Variants in PAK3 observed in about 807,000 individuals in gnomAD.
PAK3 encodes p21 (RAC1) activated kinase 3.
A neutral mutation model predicts 41.0 loss-of-function variants in PAK3; 4 were observed. The ratio of observed to expected loss-of-function variants is 0.10; its 90% confidence interval spans 0.05 to 0.22. The LOEUF (loss-of-function observed/expected upper bound fraction) is 0.22, where lower values mean the gene tolerates loss of function less well. Among genes scored for constraint, PAK3 ranks in the 10% least tolerant of loss-of-function variants. The pLI is 1.00. For synonymous variants in PAK3, 146 were observed against 139.6 expected, an observed-to-expected ratio of 1.05 and a Z score of -0.32; for missense variants, 205 against 409.9, an observed-to-expected ratio of 0.50 and a Z score of 4.32.
chrX:111,217,605 G>A lies in PAK3; in HGVS notation c.1545+1047G>A, dbSNP rs183440294. ...TCCCACCCTAACTCAGATCATACCT[G>A]GAATAAACCTATTTGGAGAAACTGA... On this transcript the variant is annotated intron_variant, in intron 17 of 17. Transcript: ENST00000372007. 1.7e-5 allele frequency: 16 copies of A among 957,250 alleles called. No homozygotes were observed. In the Admixed American group the frequency reaches 5.0e-4, roughly 30 times the overall value. 78.9% of individuals were successfully genotyped at this position (957,250 alleles called of 1,213,427 possible).
chrX:111,142,921 C>T (rs2093892489), intron 6 of PAK3, among the ~76,000 whole-genome samples: 1 of 110,092 alleles, frequency 9.1e-6, no homozygotes, highest in South Asian at 3.9e-4. Flanking sequence ...TCAAATAGCA[C>T]AAGATCTCAG....
At chrX:111,068,096 C>T (rs2092714132) in intron 1 of PAK3, among the ~76,000 whole-genome samples, 1 of 110,000 alleles carries the variant, frequency 9.1e-6, no homozygotes, top group Non-Finnish European at 1.9e-5. Flanking sequence ...TTTAATATTA[C>T]CTTGGTACCT....
chrX:111,007,112 T>C (rs1262843342), intron 1 of PAK3, among the ~76,000 whole-genome samples: 3 of 110,203 alleles, frequency 2.7e-5, no homozygotes, highest in Admixed American at 9.8e-5. Flanking sequence ...TACCCCACCA[T>C]AAATTTGTCA....
intron 1 of PAK3, among the ~76,000 whole-genome samples, chrX:111,066,858 T>C (rs753339689): frequency 4.5e-5 from 5 of 112,162 alleles, no homozygotes; most frequent in African/African-American, 1.3e-4. Flanking sequence ...TATGAGAAAA[T>C]TGAAGCTGAG....
At chrX:110,993,050 A>T (rs775105315) in intron 1 of PAK3, among the ~76,000 whole-genome samples, 9 of 111,575 alleles carry the variant, frequency 8.1e-5, no homozygotes, top group Non-Finnish European at 1.7e-4. Context: ...TTAAAATGTG[A>T]TGTCTAAAAT....
chrX:111,124,698 C>T (rs1041602198), intron 5 of PAK3, among the ~76,000 whole-genome samples: 2 of 111,391 alleles, frequency 1.8e-5, no homozygotes, highest in African/African-American at 6.5e-5. Context: ...TTCAGGTGAC[C>T]TCATAATGAA....
intron 11 of PAK3, among the ~76,000 whole-genome samples, chrX:111,177,162 C>T (rs1296763467): frequency 9.0e-6 from 1 of 111,557 alleles, no homozygotes; most frequent in African/African-American, 3.3e-5. Flanking sequence ...CAGTGACATT[C>T]AAAATTGTTG....
At chrX:111,036,494 G>A (rs889574413) in intron 1 of PAK3, among the ~76,000 whole-genome samples, 23 of 112,239 alleles carry the variant, frequency 2.0e-4, no homozygotes, top group African/African-American at 5.8e-4. Context: ...AGAGTTGGAC[G>A]AAGGGGGAAC....
At chrX:111,212,937 G>A (rs186209123) in intron 16 of PAK3, among the ~76,000 whole-genome samples, 285 of 112,054 alleles carry the variant, frequency 2.5e-3, no homozygotes, top group African/African-American at 8.8e-3. Flanking sequence ...TTTTCTTACC[G>A]CATGCATTTT....
intron 16 of PAK3, among the ~76,000 whole-genome samples, chrX:111,202,497 T>C (rs1261236461): frequency 1.8e-5 from 2 of 111,641 alleles, no homozygotes; most frequent in African/African-American, 3.3e-5. Flanking sequence ...GTTCCTTCTC[T>C]TTGCCAAAGT....
chrX:111,064,617 G>A (rs180771241), intron 1 of PAK3, among the ~76,000 whole-genome samples: 2 of 112,056 alleles, frequency 1.8e-5, no homozygotes, highest in East Asian at 5.6e-4. Flanking sequence ...TGCTGCAAAG[G>A]ACATGATTTC....
At chrX:110,956,472 A>G (rs1308470663) in intron 1 of PAK3, among the ~76,000 whole-genome samples, 8 of 111,353 alleles carry the variant, frequency 7.2e-5, no homozygotes, top group Admixed American at 1.9e-4. Context: ...GTGATGTACT[A>G]TTATCCTCAT....
rs754075044 is a variant in PAK3, at chrX:111,008,307, C to A, written c.-28+63679C>A. Among the ~76,000 whole-genome samples the A allele has an allele frequency of 3.6e-5, 4 of 112,593 alleles. No individual in the cohort carries two copies. The East Asian group carries it at 1.1e-3, about 32-fold the overall frequency. ...AATAAGTGAAGTCAGACATGTTAAA[C>A]ACATGTCAGGCACATATAAATGTGC... On this transcript the variant is annotated intron_variant, in intron 1 of 14. Coordinates refer to the PAK3 transcript ENST00000425146.
At chrX:110,983,480 C>CAGAGAGAGAGAGAGAGAGAGAG (rs768492408) in intron 1 of PAK3, among the ~76,000 whole-genome samples, 9 of 99,609 alleles carry the variant, frequency 9.0e-5, no homozygotes, top group Admixed American at 4.4e-4. Context: ...AAGAGAAAGA[C>CAGAGAGAGAGAGAGAGAGAGAG]AGAGAGAGAG....
At chrX:111,014,128 A>C (rs1447774788) in intron 1 of PAK3, among the ~76,000 whole-genome samples, 1 of 112,125 alleles carries the variant, frequency 8.9e-6, no homozygotes, top group Admixed American at 9.5e-5. Flanking sequence ...AAGTCCCAGC[A>C]GATCTCCCTA....
At chrX:111,023,652 G>A (rs1009008851) in intron 1 of PAK3, among the ~76,000 whole-genome samples, 2 of 112,257 alleles carry the variant, frequency 1.8e-5, no homozygotes, top group East Asian at 2.8e-4. Context: ...GTGATGATGA[G>A]CATTTTTTCA....
chrX:110,990,415 C>G (rs2091622201), intron 1 of PAK3, among the ~76,000 whole-genome samples: 1 of 111,657 alleles, frequency 9.0e-6, no homozygotes, highest in South Asian at 3.8e-4. Context: ...AAGCATAGGC[C>G]TATCTGCCTC....
chrX:111,105,296 C>T (rs1302038444), intron 4 of PAK3, among the ~76,000 whole-genome samples: 3 of 111,687 alleles, frequency 2.7e-5, no homozygotes, highest in East Asian at 5.6e-4. Flanking sequence ...CACAATCATA[C>T]ACTTTCACAC....
intron 1 of PAK3, among the ~76,000 whole-genome samples, chrX:110,989,123 G>A (rs1053785819): frequency 8.9e-6 from 1 of 111,841 alleles, no homozygotes; most frequent in African/African-American, 3.3e-5. Flanking sequence ...CACATGCTCT[G>A]TCTAAAGGGA....
Sources: gnomAD v4.1 joint callset for allele counts (sites outside exome capture counted in the v4.1 genomes callset) on GRCh38, gnomAD v4.1.1 for gene constraint, MANE v1.5 for transcripts, NCBI Gene and HGNC (gene_info 2026-07-23, HGNC 2026-07-21) for gene names.